Variants in L2HGDH observed in about 807,000 individuals in gnomAD.
L2HGDH encodes the protein L-2-hydroxyglutarate dehydrogenase, also known as L-2-hydroxyglutarate dehydrogenase, mitochondrial.
L2HGDH carries 34 observed loss-of-function variants against 51.5 expected under a neutral mutation model. The ratio of observed to expected loss-of-function variants is 0.66; its 90% CI spans 0.50 to 0.88. The LOEUF is 0.88. Among genes scored for constraint, L2HGDH ranks in the 40% least tolerant of loss-of-function variants. L2HGDH has a pLI of 0.00. For missense variants in L2HGDH, 558 were observed against 571.9 expected, an observed-to-expected ratio of 0.98 and a Z score of 0.25; for synonymous variants, 198 against 197.9, an observed-to-expected ratio of 1.00 and a Z score of -0.01.
intron 4 of L2HGDH, chr14:50,293,280 A>G (rs191846355): frequency 7.1e-6 from 5 of 702,152 alleles, no homozygotes; most frequent in African/African-American, 7.0e-5. Context: ...ACACAACTGG[A>G]TATCTGTTTG....
intron 3 of L2HGDH, among the ~76,000 whole-genome samples, chr14:50,297,812 G>C (rs1401906010): frequency 6.6e-6 from 1 of 152,112 alleles, no homozygotes; most frequent in Non-Finnish European, 1.5e-5. Flanking sequence ...TATGCCTCTG[G>C]CCAGGCATAG....
rs567414465 is a variant in L2HGDH, at chr14:50,244,957, C to T, written c.*2101G>A. 10 of 985,370 alleles carry T rather than the reference C, an allele frequency of 1.0e-5. No homozygotes were observed. Among genetic ancestry groups the T allele is most frequent in the Middle Eastern group, 5.2e-4 (1 of 1,914 alleles). 61.0% of individuals were successfully genotyped at this position (985,370 alleles called of 1,614,324 possible). A position where few individuals can be genotyped will look rare whatever the true frequency, so the allele number is the denominator to read the frequency against. On this transcript the variant is annotated 3_prime_UTR_variant, in exon 10 of 10. Coordinates refer to ENST00000267436, the MANE Select transcript of L2HGDH (RefSeq NM_024884.3). Reference sequence around the variant, plus strand: ...AGTACTCAAAGTTCTGCAGTCAGGTCGCCACATTTTCATTTACAATTTCTA... The same window carrying T: ...AGTACTCAAAGTTCTGCAGTCAGGTTGCCACATTTTCATTTACAATTTCTA...
rs1887859154 is a variant in L2HGDH, at chr14:50,242,965, A to G, written c.*4093T>C. 1 of 985,350 alleles carries G rather than the reference A, an allele frequency of 1.0e-6. No homozygotes were observed. Among genetic ancestry groups the G allele is most frequent in the Non-Finnish European group, 1.2e-6 (1 of 829,954 alleles). The allele number at this position is 985,350 out of a possible 1,614,324, so 61.0% of individuals were successfully genotyped here. ...CAGCCATCAGGGTTGGATTGCCTCC[A>G]AAAGTAGGCCCTACAAACTCCCGTA... On this transcript the variant is annotated 3_prime_UTR_variant, in exon 10 of 10. Coordinates refer to ENST00000267436, the MANE Select transcript of L2HGDH (RefSeq NM_024884.3).
chr14:50,281,989 A>C (rs1890297343), intron 5 of L2HGDH, among the ~76,000 whole-genome samples: 3 of 152,160 alleles, frequency 2.0e-5, no homozygotes, highest in Admixed American at 6.5e-5. Context: ...TACAGGCGTG[A>C]GCCACCATGC....
chr14:50,287,142 T>A, intron 4 of L2HGDH: 3 of 970,300 alleles, frequency 3.1e-6, no homozygotes, highest in Non-Finnish European at 3.7e-6. Context: ...TATAATTTCA[T>A]TACCTATGCA....
At chr14:50,251,255 T>A (rs1222096136) in intron 9 of L2HGDH, among the ~76,000 whole-genome samples, 1 of 151,760 alleles carries the variant, frequency 6.6e-6, no homozygotes, top group African/African-American at 2.4e-5. Context: ...AGAGTCTCAA[T>A]AGCAGAACTG....
chr14:50,259,829 TA>T (rs201522974), intron 9 of L2HGDH, among the ~76,000 whole-genome samples: 91 of 148,252 alleles, frequency 6.1e-4, no homozygotes, highest in African/African-American at 1.9e-3. Context: ...GCGAGACTCT[TA>T]AAAAAAAAAT....
chr14:50,305,624 AGATAGGCTTTTTAT>A (rs1242029861), intron 1 of L2HGDH, among the ~76,000 whole-genome samples: 1 of 152,244 alleles, frequency 6.6e-6, no homozygotes, highest in Admixed American at 6.5e-5. Context: ...ACTATTGTTA[AGATAGGCTTTTTAT>A]TTTTCAAAAC....
chr14:50,285,363 C>T (rs1890512531), intron 4 of L2HGDH, among the ~76,000 whole-genome samples: 1 of 152,196 alleles, frequency 6.6e-6, no homozygotes, highest in Non-Finnish European at 1.5e-5. Context: ...AAATTGAAAG[C>T]AATGTTTGGC....
chr14:50,265,231 G>T, intron 9 of L2HGDH, 127 bp downstream of exon 9: 1 of 766,568 alleles, frequency 1.3e-6, no homozygotes, highest in Non-Finnish European at 2.2e-6. Context: ...GGGAAAGAAA[G>T]CAAACAAAAA....
In L2HGDH at chr14:50,256,756, T is replaced by A. The variant is rs370907494; in HGVS notation, c.1196+8602A>T. 2.6e-4 allele frequency among the ~76,000 whole-genome samples: 40 copies of A among 152,244 alleles called. No homozygotes were observed. The East Asian group carries it at 5.6e-3, about 21-fold the overall frequency. ...CCTTCTCTACTAAATTGGAAATCTATTTCCATCTTGTATTTAGTTTTATTT... is the reference window on the plus strand; with the variant it reads ...CCTTCTCTACTAAATTGGAAATCTAATTCCATCTTGTATTTAGTTTTATTT... On this transcript the variant is annotated intron_variant, in intron 9 of 9. Transcript: ENST00000267436.
rs1236255043 is a variant in L2HGDH at position 50,245,827 on chromosome 14, G to C, written c.*1231C>G. 1.0e-6 allele frequency: 1 copy of C among 985,326 alleles called. No individual in the cohort carries two copies. 61.0% of individuals were successfully genotyped at this position (985,326 alleles called of 1,614,324 possible). On this transcript the variant is annotated 3_prime_UTR_variant, in exon 10 of 10. Transcript: ENST00000267436. Reference sequence around the variant, plus strand: ...TTGGTAAGGACAGGTCATTAACAAAGTCAGGGATTCAGGGCTGAGCATGAT... The same window carrying C: ...TTGGTAAGGACAGGTCATTAACAAACTCAGGGATTCAGGGCTGAGCATGAT...
At position 50,243,389 on chromosome 14, in the gene L2HGDH, C is replaced by A; in HGVS notation, c.*3669G>T. The A allele has an allele frequency of 1.0e-6, 1 of 982,086 alleles. No homozygotes were observed. 60.8% of individuals were successfully genotyped at this position (982,086 alleles called of 1,614,324 possible). On this transcript the variant is annotated 3_prime_UTR_variant, in exon 10 of 10. Coordinates refer to ENST00000267436, the MANE Select transcript of L2HGDH (RefSeq NM_024884.3). ...TTTAAAAAGGTTGGCTGCTATCTAT[C>A]TAAAGCAAACAGTTTATGTTTTACA...
chr14:50,266,228 C>A (rs1171566956), intron 8 of L2HGDH, among the ~76,000 whole-genome samples: 1 of 151,856 alleles, frequency 6.6e-6, no homozygotes, highest in Non-Finnish European at 1.5e-5. Flanking sequence ...CTCTATAAAG[C>A]CTGCCAACAT....
At chr14:50,296,698 G>C (rs1225188307) in intron 3 of L2HGDH, among the ~76,000 whole-genome samples, 2 of 149,250 alleles carry the variant, frequency 1.3e-5, no homozygotes, top group East Asian at 3.9e-4. Flanking sequence ...CCAAAAAACA[G>C]AAGAGTAAGA....
chr14:50,274,140 A>G (rs1889840738), intron 6 of L2HGDH, among the ~76,000 whole-genome samples: 1 of 144,292 alleles, frequency 6.9e-6, no homozygotes, highest in African/African-American at 2.5e-5. Flanking sequence ...GAAGCCGGGC[A>G]TGGCAGCACG....
intron 9 of L2HGDH, among the ~76,000 whole-genome samples, chr14:50,263,304 G>A (rs932811982): frequency 1.3e-5 from 2 of 152,192 alleles, no homozygotes; most frequent in Non-Finnish European, 2.9e-5. Flanking sequence ...GTGAGTGAAA[G>A]AAAATAATGG....
intron 9 of L2HGDH, among the ~76,000 whole-genome samples, chr14:50,263,280 GC>G (rs1468865728): frequency 5.3e-5 from 8 of 152,256 alleles, no homozygotes; most frequent in African/African-American, 1.9e-4. Flanking sequence ...AAACATAAAA[GC>G]CCTTACTTAT....
At position 50,267,741 on chromosome 14, in the gene L2HGDH, AAAT is replaced by A; in HGVS notation, c.1064+9_1064+11del. The A allele has an allele frequency of 6.3e-7, 1 of 1,587,952 alleles. No homozygotes were observed. The highest frequency in any genetic ancestry group is 2.2e-5 in the East Asian group (1 of 44,606). ...AGCACATAAAATCATTTTTAAAAAT[AAAT>A]AATGTTACCTATTGATAATTATATC... On this transcript the variant is annotated intron_variant, in intron 8 of 9. Coordinates refer to ENST00000267436, the MANE Select transcript of L2HGDH (RefSeq NM_024884.3).
Sources: allele counts gnomAD v4.1 joint callset (sites outside exome capture counted in the v4.1 genomes callset), GRCh38; gene constraint gnomAD v4.1.1; transcripts MANE v1.5; gene names NCBI Gene and HGNC (gene_info 2026-07-23, HGNC 2026-07-21).